MYO7B: variants seen among roughly 807,000 people sequenced by gnomAD.
MYO7B encodes unconventional myosin-VIIb.
MYO7B carries 212 observed loss-of-function variants against 259.7 expected under a neutral mutation model. The ratio of observed to expected loss-of-function variants is 0.82; its 90% CI spans 0.73 to 0.91. The LOEUF (loss-of-function observed/expected upper bound fraction) is 0.91. Ranked by LOEUF, MYO7B falls within the 40% of genes least tolerant of loss-of-function variation. The pLI, the probability that MYO7B is intolerant of heterozygous loss-of-function variation, is 0.00. For missense variants in MYO7B, 2,732 were observed against 2,813.5 expected (o/e 0.97, Z 0.66); for synonymous variants, 1,197 against 1,166.4 (o/e 1.03, Z -0.54).
chr2:127,589,417 G>C (rs1679455478), intron 15 of MYO7B, among the ~76,000 whole-genome samples: 1 of 151,400 alleles, frequency 6.6e-6, no homozygotes, highest in Admixed American at 6.6e-5. Context: ...ATATAAGGGG[G>C]TTTGGAGTGG....
chr2:127,556,477 T>C (rs1558797049), intron 1 of MYO7B, among the ~76,000 whole-genome samples: 1 of 152,236 alleles, frequency 6.6e-6, no homozygotes, highest in South Asian at 2.1e-4. Flanking sequence ...TTTTGTTTTA[T>C]AGGTCCTATG....
intron 42 of MYO7B, 186 bp downstream of exon 42, chr2:127,634,869 C>T: frequency 1.5e-6 from 1 of 662,314 alleles, no homozygotes; most frequent in Non-Finnish European, 2.6e-6. Flanking sequence ...GGTGGCTGCA[C>T]CTTGGAGTGA....
chr2:127,589,516 G>A (rs977621796), intron 15 of MYO7B, among the ~76,000 whole-genome samples: 2 of 149,922 alleles, frequency 1.3e-5, no homozygotes, highest in Non-Finnish European at 3.0e-5. Context: ...GTAGAGGGGT[G>A]GAGAGCATGG....
At chr2:127,556,866 T>C (rs1693656700) in intron 1 of MYO7B, among the ~76,000 whole-genome samples, 2 of 152,222 alleles carry the variant, frequency 1.3e-5, no homozygotes, top group African/African-American at 4.8e-5. Context: ...ACAATGTGCC[T>C]AGGTGATGAT....
At chr2:127,589,656 G>A (rs1679473189) in intron 15 of MYO7B, among the ~76,000 whole-genome samples, 1 of 122,986 alleles carries the variant, frequency 8.1e-6, no homozygotes, top group Non-Finnish European at 1.7e-5. Context: ...ATGGATGGGT[G>A]AATGGGTGGG....
At chr2:127,602,276 A>AC (rs1679990016) in intron 19 of MYO7B, among the ~76,000 whole-genome samples, 2 of 151,996 alleles carry the variant, frequency 1.3e-5, no homozygotes, top group South Asian at 4.2e-4. Context: ...TAGAAACTCT[A>AC]CCCCCTTTTA....
rs1315362669 is a variant in MYO7B, at chr2:127,590,058, G to A, written c.1855-34G>A. 3.9e-6 allele frequency: 6 copies of A among 1,554,352 alleles called. No individual in the cohort carries two copies. The highest frequency in any genetic ancestry group is 5.2e-6 in the Non-Finnish European group (6 of 1,148,824). On this transcript the variant is annotated intron_variant, in intron 15 of 47. Transcript: ENST00000409816. The surrounding 1 kb of genome is among the most constrained non-coding windows in gnomAD (Gnocchi z 4.6). ...TCAGCTGTCCCAGGACATGGCTCCT[G>A]AGACCCACTTGTGCTCTGTGCTTCC... is the stretch of plus-strand genomic sequence containing the variant.
At chr2:127,625,563 AC>A in intron 31 of MYO7B, 28 bp downstream of exon 31, 2 of 1,554,006 alleles carry the variant, frequency 1.3e-6, no homozygotes, top group Non-Finnish European at 1.7e-6. Context: ...TCAGGCACCC[AC>A]CCGAGGGCTC....
In MYO7B at chr2:127,576,611, A is replaced by C. The variant is rs76729716; in HGVS notation, c.752A>C (p.Asn251Thr). ...RVCRQAPEER[N>T]YHIFYCMLMG... ...CCCTCCCAGGCTCCCGAGGAGCGGA[A>C]CTACCATATCTTCTACTGCATGCTC... Residue 251 changes from asparagine (N) to threonine (T), a missense_variant, in exon 8 of 48, where the codon AAC becomes ACC. Coordinates refer to ENST00000409816, the MANE Select transcript of MYO7B (RefSeq NM_001393586.1). The surrounding 1 kb of genome is among the most constrained non-coding windows in gnomAD (Gnocchi z 4.9). 6.2e-7 allele frequency: 1 copy of C among 1,604,770 alleles called. No individual in the cohort carries two copies. The highest frequency in any genetic ancestry group is 8.5e-7 in the Non-Finnish European group (1 of 1,173,792).
chr2:127,637,187 A>G, intron 47 of MYO7B, 129 bp from the exon 48 acceptor site: 1 of 900,592 alleles, frequency 1.1e-6, no homozygotes, highest in Non-Finnish European at 1.8e-6. Flanking sequence ...CCCCAATGGC[A>G]GGAGCCCGCC....
intron 1 of MYO7B, among the ~76,000 whole-genome samples, chr2:127,536,237 G>A (rs762122263): frequency 1.6e-4 from 25 of 152,190 alleles, no homozygotes; most frequent in Admixed American, 2.6e-4. Flanking sequence ...CAGCTGTGCC[G>A]TGTGTGACAT....
In MYO7B at chr2:127,627,936, GA is replaced by G. The variant is rs1681237170; in HGVS notation, c.4461-435del. ...CCACTGGCCACCTCTCACTGAGGCT[GA>G]CCATGCTGGGCACTTTCCTGTATGC... On this transcript the variant is annotated intron_variant, in intron 33 of 47. Coordinates refer to ENST00000409816, the MANE Select transcript of MYO7B (RefSeq NM_001393586.1). The surrounding 1 kb of genome is among the most constrained non-coding windows in gnomAD (Gnocchi z 5.6). The G allele has an allele frequency of 2.2e-6, 1 of 460,868 alleles. No individual in the cohort carries two copies. The allele number at this position is 460,868 out of a possible 1,614,324, so 28.5% of individuals were successfully genotyped here.
At chr2:127,624,043 G>T (rs1375344556) in intron 29 of MYO7B, 50 bp from the exon 30 acceptor site, 2 of 1,491,572 alleles carry the variant, frequency 1.3e-6, no homozygotes, top group Non-Finnish European at 1.8e-6. Context: ...GTCCCCGTGG[G>T]GTGGGGCATG....
rs1681838755 is a variant in MYO7B, at chr2:127,636,687, G to A, written c.6207+59G>A. ...ACCAGGTCCAGGGACCTGTGCAGGT[G>A]GGGCTGCAGTCATCTCTGCGGTGTG... On this transcript the variant is annotated intron_variant, in intron 46 of 47. Coordinates refer to ENST00000409816, the MANE Select transcript of MYO7B (RefSeq NM_001393586.1). This position sits in a 1 kb window ranked among gnomAD's most constrained non-coding sequence, Gnocchi z 4.5. 2.5e-6 allele frequency: 4 copies of A among 1,606,784 alleles called. No individual in the cohort carries two copies. In the African/African-American group the frequency reaches 5.4e-5, roughly 22 times the overall value.
At chr2:127,562,481 T>C (rs1481343063) in intron 2 of MYO7B, among the ~76,000 whole-genome samples, 2 of 124,308 alleles carry the variant, frequency 1.6e-5, no homozygotes, top group Non-Finnish European at 3.2e-5. Context: ...GGGGTTTTAT[T>C]GTTTTTTTTT....
intron 7 of MYO7B, 131 bp downstream of exon 7, chr2:127,574,193 A>C: frequency 2.6e-6 from 3 of 1,159,558 alleles, no homozygotes; most frequent in Non-Finnish European, 3.6e-6. Flanking sequence ...GCCTCACTGG[A>C]TAATGAGGGC....
rs1679243234 is a variant in MYO7B at position 127,584,915 on chromosome 2, T to G, written c.1690+2T>G. On this transcript the variant is annotated splice_donor_variant, in intron 14 of 47. Coordinates refer to ENST00000409816, the MANE Select transcript of MYO7B (RefSeq NM_001393586.1). LOFTEE classifies it high-confidence loss of function. The surrounding 1 kb of genome is among the most constrained non-coding windows in gnomAD (Gnocchi z 5.8). ...GCGAGGTGTACTACCAAGCAGAAGG[T>G]GGGTGCAGCTCTCCTCTCATGTCCC... 2 of 1,613,518 alleles carry G rather than the reference T, an allele frequency of 1.2e-6. No homozygotes were observed. Among genetic ancestry groups the G allele is most frequent in the Non-Finnish European group, 8.5e-7 (1 of 1,179,796 alleles).
At chr2:127,604,110 G>A (rs1449106055) in intron 19 of MYO7B, among the ~76,000 whole-genome samples, 1 of 152,196 alleles carries the variant, frequency 6.6e-6, no homozygotes, top group Non-Finnish European at 1.5e-5. Flanking sequence ...TCCAGCCTGG[G>A]CGACAGAGGG....
At chr2:127,564,546 G>T (rs1459840700) in intron 3 of MYO7B, among the ~76,000 whole-genome samples, 1 of 152,226 alleles carries the variant, frequency 6.6e-6, no homozygotes, top group East Asian at 1.9e-4. Context: ...AGGGGGAAAG[G>T]TGGGTGAGGA....
Sources: gnomAD v4.1 joint callset for allele counts (sites outside exome capture counted in the v4.1 genomes callset) on GRCh38, gnomAD v4.1.1 for gene constraint, Gnocchi (gnomAD v3.1) non-coding constraint, MANE v1.5 for transcripts, NCBI Gene and HGNC (gene_info 2026-07-23, HGNC 2026-07-21) for gene names.